The following ATF7IP2 variants were observed in gnomAD, a reference collection of about 807,000 sequenced individuals.
ATF7IP2 encodes the protein activating transcription factor 7-interacting protein 2.
In ATF7IP2, 42 loss-of-function variants were observed where a neutral mutation model predicts 64.2. That is an observed-to-expected ratio of 0.65 (90% CI 0.51 to 0.85). The LOEUF (loss-of-function observed/expected upper bound fraction) is 0.85. Among genes scored for constraint, ATF7IP2 ranks in the 40% least tolerant of loss-of-function variants. The pLI is 0.00. For synonymous variants in ATF7IP2, 308 were observed against 272.8 expected, an observed-to-expected ratio of 1.13 and a Z score of -1.27; for missense variants, 933 against 784.2, an observed-to-expected ratio of 1.19 and a Z score of -2.27.
intron 1 of ATF7IP2, among the ~76,000 whole-genome samples, chr16:10,406,839 GAAGT>G (rs537206396): frequency 9.3e-4 from 142 of 152,262 alleles, no homozygotes; most frequent in African/African-American, 3.3e-3. Context: ...AACATTTAAA[GAAGT>G]AATACCAATC....
At chr16:10,422,232 TA>T (rs1250259411) in intron 3 of ATF7IP2, among the ~76,000 whole-genome samples, 1 of 152,214 alleles carries the variant, frequency 6.6e-6, no homozygotes, top group Non-Finnish European at 1.5e-5. Context: ...TTAACCATTT[TA>T]AAGGTATAGG....
chr16:10,480,404 C>T (rs1394809011), intron 12 of ATF7IP2, among the ~76,000 whole-genome samples: 1 of 151,982 alleles, frequency 6.6e-6, no homozygotes, highest in African/African-American at 2.4e-5. Context: ...TCTCCTCCTT[C>T]CCCTCTTCTT....
At position 10,472,157 on chromosome 16, in the gene ATF7IP2, C is replaced by T. The variant is rs1000179065; in HGVS notation, c.1400C>T (p.Thr467Ile). The change falls in exon 10 of 14, where the codon ACA (threonine) becomes ATA (isoleucine). Residue 467 changes from threonine to isoleucine, a missense_variant. Physicochemically the swap from Thr to Ile is moderately conservative, Grantham distance 89. Transcript: ENST00000562102. The part of the protein sequence containing the change: ...MLISVESPNL[T>I]TPITSNPTDT... Reference sequence around the variant, plus strand: ...ATTTCTGTGGAAAGTCCTAATTTGACAACTCCAATTACATCAAATCCAACA... The same window carrying T: ...ATTTCTGTGGAAAGTCCTAATTTGATAACTCCAATTACATCAAATCCAACA... 2 of 1,570,730 alleles carry T rather than the reference C, an allele frequency of 1.3e-6. No homozygotes were observed. Among genetic ancestry groups the T allele is most frequent in the Non-Finnish European group, 1.7e-6 (2 of 1,149,630 alleles).
At position 10,482,301 on chromosome 16, in the gene ATF7IP2, A is replaced by C. The variant is rs545134787; in HGVS notation, c.*52A>C. 3 of 1,356,200 alleles carry C rather than the reference A, an allele frequency of 2.2e-6. No individual in the cohort carries two copies. Among genetic ancestry groups the C allele is most frequent in the African/African-American group, 1.5e-5 (1 of 68,584 alleles). 84.0% of individuals were successfully genotyped at this position (1,356,200 alleles called of 1,614,324 possible). On this transcript the variant is annotated 3_prime_UTR_variant, in exon 14 of 14. Coordinates refer to ENST00000562102, the MANE Select transcript of ATF7IP2 (RefSeq NM_001393719.1). Reference sequence around the variant, plus strand: ...TTTTTTTTCATATTTGTTTGTTTGCAATGTTACTGTAATACTATTTGCCAT... The same window carrying C: ...TTTTTTTTCATATTTGTTTGTTTGCCATGTTACTGTAATACTATTTGCCAT...
At chr16:10,464,860 G>T (rs1275839918) in intron 9 of ATF7IP2, among the ~76,000 whole-genome samples, 1 of 152,086 alleles carries the variant, frequency 6.6e-6, no homozygotes, top group South Asian at 2.1e-4. Context: ...ACGGAGTTTC[G>T]CTCTTGTTAT....
intron 1 of ATF7IP2, among the ~76,000 whole-genome samples, chr16:10,406,142 G>A (rs900630672): frequency 2.0e-5 from 3 of 151,924 alleles, no homozygotes; most frequent in African/African-American, 7.3e-5. Context: ...ATTTTACTCT[G>A]TCACTCAGGC....
intron 9 of ATF7IP2, among the ~76,000 whole-genome samples, chr16:10,464,652 T>C (rs903009984): frequency 3.9e-5 from 6 of 152,210 alleles, no homozygotes; most frequent in Non-Finnish European, 8.8e-5. Flanking sequence ...TCACCAATAC[T>C]GATTGAATAA....
intron 9 of ATF7IP2, among the ~76,000 whole-genome samples, chr16:10,461,318 G>A (rs1377323914): frequency 4.6e-5 from 7 of 152,058 alleles, no homozygotes; most frequent in African/African-American, 1.7e-4. Context: ...AATATCCTTT[G>A]ACCTAGCAGT....
rs890524741 is a variant in ATF7IP2 at position 10,483,624 on chromosome 16, C to G, written c.*1375C>G. 6.6e-5 allele frequency: 10 copies of G among 152,118 alleles called. No homozygotes were observed. Among genetic ancestry groups the G allele is most frequent in the Non-Finnish European group, 1.5e-4 (10 of 68,018 alleles). The allele number at this position is 152,118 out of a possible 1,614,324, so 9.4% of individuals were successfully genotyped here. A position where few individuals can be genotyped will look rare whatever the true frequency, so the allele number is the denominator to read the frequency against. ...TGCTCTCACATCTGTAGCAATAAAGCTGTTATTTTCTGCAGTGTTCTATGT... is the reference window on the plus strand; with the variant it reads ...TGCTCTCACATCTGTAGCAATAAAGGTGTTATTTTCTGCAGTGTTCTATGT... On this transcript the variant is annotated 3_prime_UTR_variant, in exon 14 of 14. Transcript: ENST00000562102.
chr16:10,457,050 T>G (rs1033161578), intron 8 of ATF7IP2, among the ~76,000 whole-genome samples: 1 of 152,110 alleles, frequency 6.6e-6, no homozygotes, highest in Non-Finnish European at 1.5e-5. Context: ...AAAGTAAAAT[T>G]TTCTTAAATA....
rs1330708916 is a variant in ATF7IP2, at chr16:10,483,474, G to GAT, written c.*1227_*1228dup. On this transcript the variant is annotated 3_prime_UTR_variant, in exon 14 of 14. Transcript: ENST00000562102. Reference sequence around the variant, plus strand: ...GCAAACTTGAGCAAATAATTGGGATGATAAGAAACAAAAATAATCCCAACT... The same window carrying GAT: ...GCAAACTTGAGCAAATAATTGGGATGATATAAGAAACAAAAATAATCCCAACT... 2 of 152,160 alleles carry GAT rather than the reference G, an allele frequency of 1.3e-5. No individual in the cohort carries two copies. Among genetic ancestry groups the GAT allele is most frequent in the Non-Finnish European group, 2.9e-5 (2 of 68,026 alleles). The allele number at this position is 152,160 out of a possible 1,614,324, so 9.4% of individuals were successfully genotyped here.
Position 10,451,035 on chromosome 16 carries a change from G to C in ATF7IP2, c.1195-6337G>C, listed in dbSNP as rs1469485422. The stretch of plus-strand genomic sequence containing the variant: ...GTGGTGACAAAATGTCTCAGCATTG[G>C]CTTGTCTGTAAAGGATTTTATTTCT... On this transcript the variant is annotated intron_variant, in intron 8 of 13. Transcript: ENST00000562102. Among the ~76,000 whole-genome samples the C allele has an allele frequency of 2.6e-5, 4 of 152,174 alleles. No homozygotes were observed. The East Asian group carries it at 7.7e-4, about 29-fold the overall frequency.
intron 1 of ATF7IP2, among the ~76,000 whole-genome samples, chr16:10,391,727 A>C (rs566569372): frequency 2.6e-5 from 4 of 152,150 alleles, no homozygotes; most frequent in Admixed American, 2.0e-4. Flanking sequence ...GTGAAACACT[A>C]TCTCTACTAA....
chr16:10,479,916 A>G (rs1227453418), intron 12 of ATF7IP2, among the ~76,000 whole-genome samples: 1 of 149,318 alleles, frequency 6.7e-6, no homozygotes, highest in African/African-American at 2.5e-5. Flanking sequence ...ACCATTGTAG[A>G]AAACAGTCTG....
In ATF7IP2 at chr16:10,458,092, C is replaced by T. The variant is rs115905868; in HGVS notation, c.1352+563C>T. Among the ~76,000 whole-genome samples, 1,233 of 152,278 alleles carry T rather than the reference C, an allele frequency of 8.1e-3. 13 individuals carry two copies. The highest frequency in any genetic ancestry group is 0.028 in the African/African-American group (1,149 of 41,548). On this transcript the variant is annotated intron_variant, in intron 9 of 13. Coordinates refer to ENST00000562102, the MANE Select transcript of ATF7IP2 (RefSeq NM_001393719.1). ...ATGATGGCCATTGTTTGAAGAACAC[C>T]CTTTCCCACAGATAACTATGCGTAC...
intron 9 of ATF7IP2, among the ~76,000 whole-genome samples, chr16:10,464,223 C>T (rs938110988): frequency 5.9e-5 from 9 of 152,168 alleles, no homozygotes; most frequent in Non-Finnish European, 8.8e-5. Context: ...ACCTGTCCTT[C>T]ATGTACTTTT....
chr16:10,402,907 C>CA (rs34917688), intron 1 of ATF7IP2, among the ~76,000 whole-genome samples: 30 of 146,326 alleles, frequency 2.1e-4, no homozygotes, highest in Middle Eastern at 7.0e-3. Flanking sequence ...GACCCTTTCT[C>CA]AAAAAAAAAA....
intron 8 of ATF7IP2, among the ~76,000 whole-genome samples, chr16:10,442,085 A>C (rs1429025995): frequency 6.6e-6 from 1 of 152,240 alleles, no homozygotes; most frequent in African/African-American, 2.4e-5. Flanking sequence ...GACTAGATTT[A>C]GCATTTAGAA....
chr16:10,450,704 G>T (rs955431313), intron 8 of ATF7IP2, among the ~76,000 whole-genome samples: 1 of 151,874 alleles, frequency 6.6e-6, no homozygotes. Context: ...GAGCCTGTGT[G>T]TGTCTTTGCA....
Sources: allele counts gnomAD v4.1 joint callset (sites outside exome capture counted in the v4.1 genomes callset), GRCh38; gene constraint gnomAD v4.1.1; transcripts MANE v1.5; gene names NCBI Gene and HGNC (gene_info 2026-07-23, HGNC 2026-07-21).